The following TOR1AIP1 variants were observed in gnomAD, a reference collection of about 807,000 sequenced individuals.
The protein encoded by TOR1AIP1 is torsin 1A interacting protein 1, also known as torsin-1A-interacting protein 1.
TOR1AIP1 carries 54 observed loss-of-function variants against 63.3 expected under a neutral mutation model. The observed-to-expected ratio is 0.85, with a 90% CI of 0.69 to 1.07. TOR1AIP1 has a LOEUF of 1.07. TOR1AIP1 is among the 50% of genes least tolerant of loss of function. The pLI, the probability that TOR1AIP1 is intolerant of heterozygous loss-of-function variation, is 0.00. For missense variants in TOR1AIP1, 736 were observed against 715.0 expected, an observed-to-expected ratio of 1.03 and a Z score of -0.33; for synonymous variants, 294 against 273.5, an observed-to-expected ratio of 1.07 and a Z score of -0.74.
chr1:179,901,951 G>A (rs1010255745), intron 5 of TOR1AIP1, among the ~76,000 whole-genome samples: 1 of 149,666 alleles, frequency 6.7e-6, no homozygotes, highest in African/African-American at 2.5e-5. Flanking sequence ...TGTAAATAAT[G>A]AGTAATTTTA....
intron 8 of TOR1AIP1, among the ~76,000 whole-genome samples, chr1:179,909,838 C>G (rs1054057645): frequency 6.6e-6 from 1 of 152,190 alleles, no homozygotes; most frequent in Non-Finnish European, 1.5e-5. Context: ...TCTCAGCTCA[C>G]TGCAGCCTCC....
rs527965621 is a variant in TOR1AIP1, at chr1:179,884,578, G to A, written c.476-114G>A. ...GTAAACCTAACCACCTGTTTCTAAA[G>A]AAACGAATTTCTTGAATTTTTGCTT... is the stretch of plus-strand genomic sequence containing the variant. On this transcript the variant is annotated intron_variant, in intron 1 of 9. Coordinates refer to ENST00000606911, the MANE Select transcript of TOR1AIP1 (RefSeq NM_015602.4). 1.4e-5 allele frequency: 12 copies of A among 846,206 alleles called. No homozygotes were observed. The East Asian group carries it at 3.4e-4, about 24-fold the overall frequency. 52.4% of individuals were successfully genotyped at this position (846,206 alleles called of 1,614,324 possible). A position where few individuals can be genotyped will look rare whatever the true frequency, so the allele number is the denominator to read the frequency against.
In TOR1AIP1 at chr1:179,908,698, G is replaced by A. The variant is rs1192367851; in HGVS notation, c.907+25G>A. On this transcript the variant is annotated intron_variant, in intron 8 of 9. Coordinates refer to ENST00000606911, the MANE Select transcript of TOR1AIP1 (RefSeq NM_015602.4). ...AGTAAGTAGATAAATCTCTGTTATTGAAATAATCTTGTGTATTTGCTATGT... is the reference window on the plus strand; with the variant it reads ...AGTAAGTAGATAAATCTCTGTTATTAAAATAATCTTGTGTATTTGCTATGT... 2.5e-6 allele frequency: 4 copies of A among 1,585,008 alleles called. No homozygotes were observed. The Admixed American group carries it at 6.8e-5, about 27-fold the overall frequency.
chr1:179,907,853 C>A lies in TOR1AIP1; in HGVS notation c.827C>A (p.Pro276His), dbSNP rs609521. Residue 276 changes from proline to histidine, a missense_variant, in exon 7 of 10, where the codon CCT (proline) becomes CAT (histidine). Coordinates refer to ENST00000606911, the MANE Select transcript of TOR1AIP1 (RefSeq NM_015602.4). ...SQNFTAHDKQPSVLSSGYQKT... is the reference protein window; with the variant it reads ...SQNFTAHDKQHSVLSSGYQKT... Reference sequence around the variant, plus strand: ...AACTTCACAGCTCATGATAAGCAACCTTCAGTGCTAAGTAAGTAGTTGGTT... The same window carrying A: ...AACTTCACAGCTCATGATAAGCAACATTCAGTGCTAAGTAAGTAGTTGGTT... The A allele has an allele frequency of 1.3e-6, 2 of 1,580,958 alleles. No homozygotes were observed. Among genetic ancestry groups the A allele is most frequent in the Non-Finnish European group, 1.7e-6 (2 of 1,163,224 alleles).
Position 179,917,771 on chromosome 1 carries a change from A to C in TOR1AIP1, c.1284A>C (p.Gln428His), listed in dbSNP as rs773336965. Residue 428 changes from glutamine (Q) to histidine (H), a missense_variant, in exon 10 of 10, where the codon CAA (glutamine) becomes CAC (histidine). Around this residue, in one of 2 missense-constraint regions of TOR1AIP1, gnomAD observed 272 missense variants for 344.1 expected, o/e 0.79. Transcript: ENST00000606911. ...AEEALRCLSE[Q>H]IADAYSSFRS... ...AAGCACTTAGGTGTCTGAGTGAACA[A>C]ATTGCTGATGCCTATTCTTCTTTTC... 6.2e-6 allele frequency: 10 copies of C among 1,614,066 alleles called. No individual in the cohort carries two copies. Among genetic ancestry groups the C allele is most frequent in the Non-Finnish European group, 6.8e-6 (8 of 1,180,044 alleles).
chr1:179,911,052 T>C (rs186205075), intron 8 of TOR1AIP1, among the ~76,000 whole-genome samples: 1 of 152,338 alleles, frequency 6.6e-6, no homozygotes, highest in East Asian at 1.9e-4. Context: ...AATTATACAT[T>C]GGTTGCTAAC....
At chr1:179,906,732 TC>T (rs58237159) in intron 6 of TOR1AIP1, among the ~76,000 whole-genome samples, 80,036 of 112,624 alleles carry the variant, frequency 0.71, 27,690 homozygotes, top group East Asian at 0.87. Context: ...CAATTTTGGT[TC>T]CCCCCCCCCC....
intron 2 of TOR1AIP1, among the ~76,000 whole-genome samples, 193 bp from the exon 3 acceptor site, chr1:179,889,120 A>G (rs1379375974): frequency 2.0e-5 from 3 of 152,240 alleles, no homozygotes; most frequent in Admixed American, 2.0e-4. Flanking sequence ...TTTATATGGC[A>G]GGAAACTTGT....
At chr1:179,891,817 C>T (rs1443011467) in intron 3 of TOR1AIP1, among the ~76,000 whole-genome samples, 7 of 152,054 alleles carry the variant, frequency 4.6e-5, no homozygotes, top group South Asian at 2.1e-4. Context: ...CCACCTGCCT[C>T]GGCCTCCCAG....
intron 3 of TOR1AIP1, among the ~76,000 whole-genome samples, chr1:179,891,639 C>T (rs148076972): frequency 0.053 from 8,095 of 152,002 alleles, 315 homozygotes; most frequent in Non-Finnish European, 0.067. Flanking sequence ...GATCTTGGCC[C>T]ACTGCAACTT....
At chr1:179,888,361 C>T (rs1462622928) in intron 2 of TOR1AIP1, among the ~76,000 whole-genome samples, 1 of 152,176 alleles carries the variant, frequency 6.6e-6, no homozygotes. Context: ...GCCACAAACT[C>T]CTGGACTCAA....
At chr1:179,893,609 T>G (rs1648176454) in intron 3 of TOR1AIP1, among the ~76,000 whole-genome samples, 1 of 151,944 alleles carries the variant, frequency 6.6e-6, no homozygotes, top group African/African-American at 2.4e-5. Flanking sequence ...CCTGGCTAAT[T>G]TTTGTATTTT....
chr1:179,901,832 C>G (rs1648474892), intron 5 of TOR1AIP1, among the ~76,000 whole-genome samples: 1 of 151,760 alleles, frequency 6.6e-6, no homozygotes, highest in Non-Finnish European at 1.5e-5. Context: ...TAAGTTTATT[C>G]AATGAAAGAG....
chr1:179,894,718 T>G (rs1226058162), intron 3 of TOR1AIP1, among the ~76,000 whole-genome samples: 2 of 152,098 alleles, frequency 1.3e-5, no homozygotes, highest in African/African-American at 4.8e-5. Flanking sequence ...AAGCAATGAC[T>G]CCTGTGTTCT....
chr1:179,889,377 ATTGT>A lies in TOR1AIP1; in HGVS notation c.610+13_610+16del, dbSNP rs768607346. On this transcript the variant is annotated intron_variant, in intron 3 of 9. Coordinates refer to ENST00000606911, the MANE Select transcript of TOR1AIP1 (RefSeq NM_015602.4). ...TAAGATACCCAAGATATGGTAAGAG[ATTGT>A]TTGTCTGTTGGTTTACCTTTGTTAT... 4.3e-5 allele frequency: 69 copies of A among 1,602,384 alleles called. 2 individuals are homozygous for A. The highest frequency in any genetic ancestry group is 4.1e-4 in the South Asian group (37 of 89,710).
intron 3 of TOR1AIP1, among the ~76,000 whole-genome samples, chr1:179,893,847 C>T (rs1409088023): frequency 1.3e-5 from 2 of 152,170 alleles, no homozygotes; most frequent in African/African-American, 2.4e-5. Context: ...GGAATTTTTA[C>T]ACTGCTGAAA....
rs1405827777 is a variant in TOR1AIP1 at position 179,918,238 on chromosome 1, A to G, written c.1751A>G (p.Ter584=). 1 of 1,580,146 alleles carries G rather than the reference A, an allele frequency of 6.3e-7. No homozygotes were observed. The highest frequency in any genetic ancestry group is 8.5e-7 in the Non-Finnish European group (1 of 1,171,858). Residue 584 remains the stop codon, a stop_retained_variant, in exon 10 of 10, where the codon TAA becomes TGA. Coordinates refer to ENST00000606911, the MANE Select transcript of TOR1AIP1 (RefSeq NM_015602.4). ...GCCCTGAAAAGGGGCATCTGCTTAT[A>G]AGAAGTGAGAGAGAAGAAAAATCAT... ...ENALKRGICL[*] is the part of the protein sequence containing the mutation.
chr1:179,908,236 T>C (rs1648714692), intron 7 of TOR1AIP1, among the ~76,000 whole-genome samples: 1 of 152,072 alleles, frequency 6.6e-6, no homozygotes, highest in South Asian at 2.1e-4. Context: ...CCTTGCCTTA[T>C]TCTCCCAACA....
chr1:179,887,062 T>C (rs1244295306), intron 2 of TOR1AIP1, among the ~76,000 whole-genome samples: 1 of 152,186 alleles, frequency 6.6e-6, no homozygotes, highest in Non-Finnish European at 1.5e-5. Flanking sequence ...TATATAAGGC[T>C]ACCGGTGTGG....
Sources: allele counts gnomAD v4.1 joint callset (sites outside exome capture counted in the v4.1 genomes callset), GRCh38; gene constraint gnomAD v4.1.1; regional missense constraint gnomAD v4.1.1; transcripts MANE v1.5; gene names NCBI Gene and HGNC (gene_info 2026-07-23, HGNC 2026-07-21).